Variants in ST7 observed in about 807,000 individuals in gnomAD.
ST7 encodes the protein suppression of tumorigenicity 7.
A neutral mutation model predicts 78.7 loss-of-function variants in ST7; 28 were observed. The ratio of observed to expected loss-of-function variants is 0.36; its 90% CI spans 0.26 to 0.49. The LOEUF (loss-of-function observed/expected upper bound fraction) is 0.49, where lower values mean the gene tolerates loss of function less well. Among genes scored for constraint, ST7 ranks in the 20% least tolerant of loss-of-function variants. The probability of loss-of-function intolerance (pLI) is 0.99; values close to 1 mark genes in which losing one functional copy is unlikely to be tolerated. For missense variants in ST7, 418 were observed against 696.0 expected (o/e 0.60, Z 4.49); for synonymous variants, 247 against 249.6 (o/e 0.99, Z 0.10).
chr7:117,049,541 T>C (rs1430819066), intron 1 of ST7, among the ~76,000 whole-genome samples: 1 of 152,230 alleles, frequency 6.6e-6, no homozygotes, highest in African/African-American at 2.4e-5. Flanking sequence ...CAAATCATAC[T>C]ATAGTCCACA....
chr7:117,070,663 C>T (rs572163060), intron 1 of ST7, among the ~76,000 whole-genome samples: 1 of 152,086 alleles, frequency 6.6e-6, no homozygotes, highest in East Asian at 2.0e-4. Flanking sequence ...GCCTCAGCGT[C>T]CGGAGTAGCT....
At chr7:116,960,075 A>G (rs1384187213) in intron 1 of ST7, among the ~76,000 whole-genome samples, 1 of 152,154 alleles carries the variant, frequency 6.6e-6, no homozygotes, top group East Asian at 1.9e-4. Context: ...TAAGTGTATT[A>G]CCTTCATTTA....
At chr7:117,081,446 G>T (rs560037753) in intron 1 of ST7, among the ~76,000 whole-genome samples, 2 of 152,194 alleles carry the variant, frequency 1.3e-5, no homozygotes, top group South Asian at 4.1e-4. Context: ...TTTTCAATGT[G>T]TTAATCATTT....
At chr7:116,980,140 G>T (rs1217666777) in intron 1 of ST7, among the ~76,000 whole-genome samples, 5 of 151,622 alleles carry the variant, frequency 3.3e-5, no homozygotes, top group African/African-American at 1.2e-4. Flanking sequence ...TGCATTTTTA[G>T]TAGAGACGGA....
In ST7 at chr7:116,953,550, G is replaced by A. The variant is rs1460838132; in HGVS notation, c.10G>A (p.Ala4Thr). The change falls in exon 1 of 16, where the codon GCG (alanine) becomes ACG (threonine). Residue 4 changes from alanine (A) to threonine (T), a missense_variant. Coordinates refer to ENST00000323984, the MANE Select transcript of ST7 (RefSeq NM_001369598.1). MAE[A>T]ATGFLEQLKS... ...AGAGGAGCGCTGAAACATGGCTGAA[G>A]CGGCCACGGGCTTTCTGGAGCAGCT... 1 of 1,413,080 alleles carries A rather than the reference G, an allele frequency of 7.1e-7. No individual in the cohort carries two copies. 87.5% of individuals were successfully genotyped at this position (1,413,080 alleles called of 1,614,324 possible).
At chr7:117,131,499 G>C (rs942523825) in intron 5 of ST7, among the ~76,000 whole-genome samples, 1 of 152,000 alleles carries the variant, frequency 6.6e-6, no homozygotes, top group South Asian at 2.1e-4. Flanking sequence ...TGTGTTAAGT[G>C]CTTCGGAAAA....
At chr7:117,031,509 T>C (rs71213277) in intron 1 of ST7, among the ~76,000 whole-genome samples, 1 of 74,838 alleles carries the variant, frequency 1.3e-5, no homozygotes, top group African/African-American at 5.0e-5. Flanking sequence ...CATATATGTG[T>C]GTATATGTGC....
In ST7 at chr7:116,995,433, C is replaced by G. The variant is rs138701403; in HGVS notation, c.151+41742C>G. ...TAACACTCATCACCAGTGTGAAATA[C>G]CAAGTGAGGAGAATAAACTCTTCAT... On this transcript the variant is annotated intron_variant, in intron 1 of 15. Transcript: ENST00000323984. Among the ~76,000 whole-genome samples the G allele has an allele frequency of 1.1e-4, 16 of 152,264 alleles. No homozygotes were observed. The East Asian group carries it at 3.1e-3, about 29-fold the overall frequency.
intron 1 of ST7, among the ~76,000 whole-genome samples, chr7:117,061,069 C>G (rs1166354492): frequency 1.3e-5 from 2 of 152,070 alleles, no homozygotes; most frequent in African/African-American, 4.8e-5. Context: ...CCAATTCCTG[C>G]CCTTTTAAAG....
At chr7:117,013,259 GT>G (rs946606702) in intron 1 of ST7, among the ~76,000 whole-genome samples, 3 of 152,184 alleles carry the variant, frequency 2.0e-5, no homozygotes, top group Non-Finnish European at 2.9e-5. Flanking sequence ...TAACATTAAT[GT>G]TCTAACCATT....
intron 1 of ST7, among the ~76,000 whole-genome samples, chr7:117,034,493 A>T (rs1273943967): frequency 6.6e-6 from 1 of 152,214 alleles, no homozygotes; most frequent in Non-Finnish European, 1.5e-5. Context: ...CTCATCTCTC[A>T]GAGTATCTTG....
At chr7:117,223,926 G>T (rs1793280311) in intron 15 of ST7, 1 of 975,826 alleles carries the variant, frequency 1.0e-6, no homozygotes, top group Non-Finnish European at 1.2e-6. Context: ...AGTGGTCTCT[G>T]CAGAAAGAAT....
chr7:117,036,710 T>TATATCATATACATATGGTATGATATG (rs1554428762), intron 1 of ST7, among the ~76,000 whole-genome samples: 11 of 152,334 alleles, frequency 7.2e-5, no homozygotes, highest in African/African-American at 1.9e-4. Context: ...CATGGTATGA[T>TATATCATATACATATGGTATGATATG]ATATCATATA....
At chr7:117,119,150 T>C (rs1308095932) in intron 2 of ST7, among the ~76,000 whole-genome samples, 1 of 152,160 alleles carries the variant, frequency 6.6e-6, no homozygotes, top group Non-Finnish European at 1.5e-5. Flanking sequence ...TACAGAGGTA[T>C]GGTTTTTATC....
At chr7:117,214,910 TTGTGTGTG>T (rs147915016) in intron 13 of ST7, among the ~76,000 whole-genome samples, 9,093 of 142,888 alleles carry the variant, frequency 0.064, 316 homozygotes, top group East Asian at 0.098. Context: ...GGAAGAACAT[TTGTGTGTG>T]TGTGTGTGTG....
intron 1 of ST7, among the ~76,000 whole-genome samples, chr7:117,051,899 G>A (rs553533157): frequency 6.6e-6 from 1 of 152,304 alleles, no homozygotes; most frequent in East Asian, 1.9e-4. Context: ...AGAAGGACAT[G>A]CAACAAAGGC....
chr7:116,962,462 G>A (rs1374067060), intron 1 of ST7, among the ~76,000 whole-genome samples: 1 of 152,060 alleles, frequency 6.6e-6, no homozygotes, highest in African/African-American at 2.4e-5. Context: ...GTTTCCTGAC[G>A]TTTTAATAAT....
chr7:117,131,793 A>G, intron 5 of ST7, 92 bp from the exon 6 acceptor site: 2 of 1,130,290 alleles, frequency 1.8e-6, no homozygotes, highest in East Asian at 4.8e-5. Context: ...TTGTAATTTA[A>G]GCTGACACTC....
intron 1 of ST7, among the ~76,000 whole-genome samples, chr7:117,070,992 G>A (rs1474257935): frequency 6.6e-6 from 1 of 152,012 alleles, no homozygotes; most frequent in African/African-American, 2.4e-5. Flanking sequence ...GGCCAAGGCG[G>A]GTGGATCATG....
Sources: allele counts gnomAD v4.1 joint callset (sites outside exome capture counted in the v4.1 genomes callset), GRCh38; gene constraint gnomAD v4.1.1; transcripts MANE v1.5; gene names NCBI Gene and HGNC (gene_info 2026-07-23, HGNC 2026-07-21).